HIVEP1: variants seen among roughly 807,000 people sequenced by gnomAD.
HIVEP1 encodes the protein zinc finger protein 40.
HIVEP1 carries 36 observed loss-of-function variants against 180.0 expected under a neutral mutation model. That is an observed-to-expected ratio of 0.20 (90% confidence interval 0.15 to 0.26). The LOEUF is 0.26. Among genes scored for constraint, HIVEP1 ranks in the 10% least tolerant of loss-of-function variants. The pLI is 1.00. For missense variants in HIVEP1, 3,143 were observed against 3,268.7 expected (o/e 0.96, Z 0.94); for synonymous variants, 1,239 against 1,239.0 (o/e 1.00, Z 0.00).
chr6:12,131,939 G>T (rs1758445715), intron 6 of HIVEP1, among the ~76,000 whole-genome samples: 1 of 151,802 alleles, frequency 6.6e-6, no homozygotes, highest in Admixed American at 6.6e-5. Context: ...ACATTTTTTG[G>T]CTAGTATTTA....
the HIVEP1 span, among the ~76,000 whole-genome samples, chr6:12,186,802 A>G: frequency 2.0e-5 from 3 of 152,302 alleles, no homozygotes; most frequent in East Asian, 5.8e-4. Flanking sequence ...CAGACCTGAG[A>G]TGACCCAGAT....
chr6:12,180,287 C>T, the HIVEP1 span, among the ~76,000 whole-genome samples: 2 of 152,090 alleles, frequency 1.3e-5, no homozygotes, highest in Admixed American at 1.3e-4. Context: ...TAACTACAGG[C>T]CCATTATTTG....
At chr6:12,190,636 C>T in the HIVEP1 span, among the ~76,000 whole-genome samples, 1 of 152,166 alleles carries the variant, frequency 6.6e-6, no homozygotes. Flanking sequence ...ACACAGAGCC[C>T]GTTTTTCTTA....
chr6:12,117,271 A>G (rs1394324068), intron 3 of HIVEP1, among the ~76,000 whole-genome samples: 2 of 152,226 alleles, frequency 1.3e-5, no homozygotes, highest in Non-Finnish European at 2.9e-5. Flanking sequence ...AATTAAATAG[A>G]TAACTAAGTA....
intron 7 of HIVEP1, among the ~76,000 whole-genome samples, chr6:12,159,982 A>T (rs1029031802): frequency 6.6e-6 from 1 of 152,236 alleles, no homozygotes; most frequent in African/African-American, 2.4e-5. Flanking sequence ...TAAAAAATTA[A>T]TATCTAGGCC....
chr6:12,195,464 T>C, the HIVEP1 span, among the ~76,000 whole-genome samples: 1 of 152,308 alleles, frequency 6.6e-6, no homozygotes, highest in Admixed American at 6.5e-5. Flanking sequence ...GTTAAAAAAA[T>C]TTTAGAATGG....
the HIVEP1 span, among the ~76,000 whole-genome samples, chr6:12,202,351 C>A: frequency 1.3e-5 from 2 of 151,952 alleles, no homozygotes; most frequent in African/African-American, 4.8e-5. Flanking sequence ...GTTGCTTAGG[C>A]TGTTCTCAAA....
intron 7 of HIVEP1, among the ~76,000 whole-genome samples, chr6:12,159,805 A>G (rs1038287638): frequency 6.6e-6 from 1 of 152,232 alleles, no homozygotes; most frequent in Admixed American, 6.5e-5. Flanking sequence ...ACCTAAATGC[A>G]TGTTTCATCT....
At chr6:12,028,010 A>T (rs561992594) in intron 2 of HIVEP1, among the ~76,000 whole-genome samples, 1 of 152,356 alleles carries the variant, frequency 6.6e-6, no homozygotes, top group Non-Finnish European at 1.5e-5. Context: ...TGAGCTCATG[A>T]TAACTGTTGA....
At chr6:12,049,748 C>G (rs1770378629) in intron 2 of HIVEP1, among the ~76,000 whole-genome samples, 1 of 152,192 alleles carries the variant, frequency 6.6e-6, no homozygotes, top group East Asian at 1.9e-4. Context: ...CTTATACTTT[C>G]ATGGCACACT....
At chr6:12,042,182 C>A (rs1769798533) in intron 2 of HIVEP1, among the ~76,000 whole-genome samples, 1 of 150,198 alleles carries the variant, frequency 6.7e-6, no homozygotes. Context: ...CGGGTTCACG[C>A]CATTCTCCTG....
At chr6:12,209,475 C>G in the HIVEP1 span, among the ~76,000 whole-genome samples, 1 of 152,140 alleles carries the variant, frequency 6.6e-6, no homozygotes, top group African/African-American at 2.4e-5. Flanking sequence ...TTATCACCTC[C>G]CAGCACCCTA....
downstream of HIVEP1, chr6:12,165,210 A>G (rs1468016530): frequency 4.2e-6 from 2 of 472,434 alleles, no homozygotes; most frequent in African/African-American, 4.1e-5. Flanking sequence ...AAGTCATTTC[A>G]TAGTTATTAT....
At position 12,121,725 on chromosome 6, in the gene HIVEP1, G is replaced by A. The variant is rs746004351; in HGVS notation, c.1930G>A (p.Ala644Thr). 5.6e-6 allele frequency: 9 copies of A among 1,613,988 alleles called. No homozygotes were observed. Among genetic ancestry groups the A allele is most frequent in the South Asian group, 3.3e-5 (3 of 91,080 alleles). ...AGACTCTCACGTAGGAACGGTACAC[G>A]CCCAGCTACAAAGGCAGCAGGCTAC... ...KQDSHVGTVH[A>T]QLQRQQATDY... is the part of the protein sequence containing the mutation. The change falls in exon 4 of 9, where the codon GCC becomes ACC. Residue 644 changes from alanine (A) to threonine (T), a missense_variant. By Grantham distance (58) the Ala-to-Thr change is moderately conservative. Coordinates refer to ENST00000379388, the MANE Select transcript of HIVEP1 (RefSeq NM_002114.4). The surrounding 1 kb of genome is among the most constrained non-coding windows in gnomAD (Gnocchi z 5.3).
the HIVEP1 span, among the ~76,000 whole-genome samples, chr6:12,178,964 A>G: frequency 1.3e-5 from 2 of 152,214 alleles, no homozygotes; most frequent in African/African-American, 4.8e-5. Flanking sequence ...TTTTGAGATA[A>G]AATAACCAGT....
chr6:12,168,306 CATATATTA>C (rs1760805558), downstream of HIVEP1, among the ~76,000 whole-genome samples: 1 of 8,958 alleles, frequency 1.1e-4, no homozygotes, highest in African/African-American at 2.5e-4. Context: ...TACATATATA[CATATATTA>C]TATACATATA....
intron 2 of HIVEP1, among the ~76,000 whole-genome samples, chr6:12,085,286 C>T (rs891450271): frequency 3.3e-5 from 5 of 151,878 alleles, no homozygotes; most frequent in Non-Finnish European, 5.9e-5. Context: ...CTTGAAAGGA[C>T]GCCCCACAGA....
the HIVEP1 span, among the ~76,000 whole-genome samples, chr6:12,174,449 C>G: frequency 6.6e-6 from 1 of 152,040 alleles, no homozygotes; most frequent in Non-Finnish European, 1.5e-5. Flanking sequence ...TACATCAACC[C>G]TCTTTGATAC....
intron 2 of HIVEP1, among the ~76,000 whole-genome samples, chr6:12,031,703 A>G (rs1768950813): frequency 6.6e-6 from 1 of 152,206 alleles, no homozygotes; most frequent in Non-Finnish European, 1.5e-5. Flanking sequence ...GCAGTTCAGT[A>G]CTTTCCACGA....
Sources: allele counts gnomAD v4.1 joint callset (sites outside exome capture counted in the v4.1 genomes callset), GRCh38; gene constraint gnomAD v4.1.1; non-coding constraint Gnocchi (gnomAD v3.1); transcripts MANE v1.5; gene names NCBI Gene and HGNC (gene_info 2026-07-23, HGNC 2026-07-21).